Variants in RNF19A observed in about 807,000 individuals in gnomAD.
RNF19A encodes E3 ubiquitin-protein ligase RNF19A.
A neutral mutation model predicts 75.7 loss-of-function variants in RNF19A; 32 were observed. The ratio of observed to expected loss-of-function variants is 0.42; its 90% CI spans 0.32 to 0.57. The LOEUF (loss-of-function observed/expected upper bound fraction) is 0.57, where lower values mean the gene tolerates loss of function less well. Ranked by LOEUF, RNF19A falls within the 20% of genes least tolerant of loss-of-function variation. The pLI is 0.10. For missense variants in RNF19A, 782 were observed against 1,036.3 expected, an observed-to-expected ratio of 0.75 and a Z score of 3.37; for synonymous variants, 335 against 345.2, an observed-to-expected ratio of 0.97 and a Z score of 0.33.
Position 100,287,357 on chromosome 8 carries a change from T to C in RNF19A, c.674+144A>G, listed in dbSNP as rs1333968575. 12 of 671,034 alleles carry C rather than the reference T, an allele frequency of 1.8e-5. No individual in the cohort carries two copies. Among genetic ancestry groups the C allele is most frequent in the South Asian group, 3.9e-5 (2 of 50,634 alleles). The allele number at this position is 671,034 out of a possible 1,614,324, so 41.6% of individuals were successfully genotyped here. A position where few individuals can be genotyped will look rare whatever the true frequency, so the allele number is the denominator to read the frequency against. On this transcript the variant is annotated intron_variant, in intron 2 of 9. Coordinates refer to ENST00000341084, the MANE Select transcript of RNF19A (RefSeq NM_183419.4). This position sits in a 1 kb window ranked among gnomAD's most constrained non-coding sequence, Gnocchi z 4.1. ...GGATCACTGCCTTTAACACCTAGCATAGTGCCTGACATATGGTGTGCACTC... is the reference window on the plus strand; with the variant it reads ...GGATCACTGCCTTTAACACCTAGCACAGTGCCTGACATATGGTGTGCACTC...
rs1287097150 is a variant in RNF19A at position 100,333,191 on chromosome 8, A to G, written c.-243+2917T>C. Reference sequence around the variant, plus strand: ...TCCTGTCTTGCTCTTCCTCTTGTCCATGTGATGCTTTCTGCCATGTAATGA... The same window carrying G: ...TCCTGTCTTGCTCTTCCTCTTGTCCGTGTGATGCTTTCTGCCATGTAATGA... On this transcript the variant is annotated intron_variant, in intron 1 of 3. Coordinates refer to the RNF19A transcript ENST00000519527. This position sits in a 1 kb window ranked among gnomAD's most constrained non-coding sequence, Gnocchi z 4.7. 3.3e-5 allele frequency among the ~76,000 whole-genome samples: 5 copies of G among 152,162 alleles called. No homozygotes were observed. The highest frequency in any genetic ancestry group is 1.2e-4 in the African/African-American group (5 of 41,430).
chr8:100,335,571 T>A (rs1822668481), intron 1 of RNF19A, among the ~76,000 whole-genome samples: 1 of 152,256 alleles, frequency 6.6e-6, no homozygotes, highest in Non-Finnish European at 1.5e-5. Flanking sequence ...TGGAAATTAC[T>A]CCAAAGTCTA....
At chr8:100,294,489 TATCTG>T (rs753313333) in intron 1 of RNF19A, among the ~76,000 whole-genome samples, 4 of 152,186 alleles carry the variant, frequency 2.6e-5, no homozygotes, top group African/African-American at 4.8e-5. Flanking sequence ...GACATCTAGA[TATCTG>T]AAGGGAGTTT....
chr8:100,258,175 A>G lies in RNF19A; in HGVS notation c.*381T>C. Reference sequence around the variant, plus strand: ...TAGTGGTTTCAATAAAATATCACTAACCACTTATCCCTAAAGCCTCAAGTT... The same window carrying G: ...TAGTGGTTTCAATAAAATATCACTAGCCACTTATCCCTAAAGCCTCAAGTT... On this transcript the variant is annotated 3_prime_UTR_variant, in exon 10 of 10. Coordinates refer to ENST00000341084, the MANE Select transcript of RNF19A (RefSeq NM_183419.4). This position sits in a 1 kb window ranked among gnomAD's most constrained non-coding sequence, Gnocchi z 4.3. 2 of 407,304 alleles carry G rather than the reference A, an allele frequency of 4.9e-6. No homozygotes were observed. Among genetic ancestry groups the G allele is most frequent in the Middle Eastern group, 1.3e-3 (2 of 1,592 alleles). The allele number at this position is 407,304 out of a possible 1,614,324, so 25.2% of individuals were successfully genotyped here.
chr8:100,311,501 G>A (rs573258488), upstream of RNF19A, among the ~76,000 whole-genome samples: 10 of 152,070 alleles, frequency 6.6e-5, 1 homozygote, highest in East Asian at 1.9e-3. Context: ...GGCGGATCAC[G>A]AGGTCAGGAG....
intron 1 of RNF19A, among the ~76,000 whole-genome samples, chr8:100,299,228 CAA>C (rs1821710666): frequency 6.6e-6 from 1 of 152,066 alleles, no homozygotes; most frequent in Non-Finnish European, 1.5e-5. Context: ...CCCTTAGTTC[CAA>C]AAGACTATGA....
rs900808585 is a variant in RNF19A, at chr8:100,324,335, T to C, written c.-242-10963A>G. Among the ~76,000 whole-genome samples the C allele has an allele frequency of 6.6e-6, 1 of 152,212 alleles. No individual in the cohort carries two copies. The highest frequency in any genetic ancestry group is 1.5e-5 in the Non-Finnish European group (1 of 68,034). Reference sequence around the variant, plus strand: ...AAGTACAATCTGCAGCACAATCAAGTTCAAGAGTTTGGATGACTAAAGTTG... The same window carrying C: ...AAGTACAATCTGCAGCACAATCAAGCTCAAGAGTTTGGATGACTAAAGTTG... On this transcript the variant is annotated intron_variant, in intron 1 of 3. Transcript: ENST00000519527. The surrounding 1 kb of genome is among the most constrained non-coding windows in gnomAD (Gnocchi z 4.2).
At position 100,330,671 on chromosome 8, in the gene RNF19A, T is replaced by C. The variant is rs545637333; in HGVS notation, c.-243+5437A>G. ...ATGATATTGTTGAGTCTCTGGACTTTCCAGTTACCCAAGGCAATAAATTAC... is the reference window on the plus strand; with the variant it reads ...ATGATATTGTTGAGTCTCTGGACTTCCCAGTTACCCAAGGCAATAAATTAC... On this transcript the variant is annotated intron_variant, in intron 1 of 3. Coordinates refer to the RNF19A transcript ENST00000519527. This position sits in a 1 kb window ranked among gnomAD's most constrained non-coding sequence, Gnocchi z 4.1. Among the ~76,000 whole-genome samples, 4 of 152,338 alleles carry C rather than the reference T, an allele frequency of 2.6e-5. No homozygotes were observed. The highest frequency in any genetic ancestry group is 4.1e-4 in the South Asian group (2 of 4,828).
chr8:100,259,186 G>A lies in RNF19A; in HGVS notation c.1887C>T (p.His629=), dbSNP rs565415348. ...DIESKPSKFR[H]NSGSSSVDDG... ...CATCCACACTACTGCTTCCACTGTT[G>A]TGCCTGAATTTGGATGGCTTTGACT... Residue 629 remains histidine (H), a synonymous_variant, in exon 10 of 10, where the codon CAC becomes CAT. Coordinates refer to ENST00000341084, the MANE Select transcript of RNF19A (RefSeq NM_183419.4). This position sits in a 1 kb window ranked among gnomAD's most constrained non-coding sequence, Gnocchi z 4.5. The A allele has an allele frequency of 1.2e-6, 2 of 1,613,938 alleles. No homozygotes were observed. The highest frequency in any genetic ancestry group is 2.2e-5 in the East Asian group (1 of 44,880).
chr8:100,278,228 G>C (rs1196945004), intron 2 of RNF19A, among the ~76,000 whole-genome samples: 1 of 152,172 alleles, frequency 6.6e-6, no homozygotes, highest in Non-Finnish European at 1.5e-5. Flanking sequence ...TGGCTGCTTT[G>C]ATAACATTTC....
upstream of RNF19A, chr8:100,313,399 G>C: frequency 8.2e-6 from 6 of 728,092 alleles, no homozygotes; most frequent in Non-Finnish European, 1.0e-5. Flanking sequence ...AGGCAAACTA[G>C]TTAGGAGGTG....
rs532213760 is a variant in RNF19A at position 100,284,444 on chromosome 8, T to C, written c.674+3057A>G. On this transcript the variant is annotated intron_variant, in intron 2 of 9. Coordinates refer to ENST00000341084, the MANE Select transcript of RNF19A (RefSeq NM_183419.4). This position sits in a 1 kb window ranked among gnomAD's most constrained non-coding sequence, Gnocchi z 4.3. ...TAAAATAAAATACACAAAAGTAATC[T>C]CTGTGACTTTTTTTCCTCTGTCCTT... Among the ~76,000 whole-genome samples the C allele has an allele frequency of 6.6e-6, 1 of 152,246 alleles. No individual in the cohort carries two copies. The highest frequency in any genetic ancestry group is 1.5e-5 in the Non-Finnish European group (1 of 67,980).
In RNF19A at chr8:100,263,971, C is replaced by G. The variant is rs922351172; in HGVS notation, c.1468+63G>C. The G allele has an allele frequency of 1.1e-4, 155 of 1,390,080 alleles. No homozygotes were observed. In the African/African-American group the frequency reaches 2.1e-3, roughly 19 times the overall value. The allele number at this position is 1,390,080 out of a possible 1,614,324, so 86.1% of individuals were successfully genotyped here. A position where few individuals can be genotyped will look rare whatever the true frequency, so the allele number is the denominator to read the frequency against. Reference sequence around the variant, plus strand: ...GGAAATTCTGAGTTGCATGTTATCTCTGGCCTCCCCACTACTTACACTGTT... The same window carrying G: ...GGAAATTCTGAGTTGCATGTTATCTGTGGCCTCCCCACTACTTACACTGTT... On this transcript the variant is annotated intron_variant, in intron 7 of 9. Coordinates refer to ENST00000341084, the MANE Select transcript of RNF19A (RefSeq NM_183419.4).
At chr8:100,296,397 G>A (rs181018512) in intron 1 of RNF19A, among the ~76,000 whole-genome samples, 17 of 152,258 alleles carry the variant, frequency 1.1e-4, no homozygotes, top group Admixed American at 1.1e-3. Context: ...AAGCCACCAC[G>A]ACCAGCCTCC....
chr8:100,287,488 A>T lies in RNF19A; in HGVS notation c.674+13T>A. On this transcript the variant is annotated intron_variant, in intron 2 of 9. Transcript: ENST00000341084. The surrounding 1 kb of genome is among the most constrained non-coding windows in gnomAD (Gnocchi z 4.1). ...AAAATTAACTCAAGAAAAATCAAAC[A>T]TTATCTTCTTACCCACAGTCTGGAG... 6.4e-7 allele frequency: 1 copy of T among 1,556,218 alleles called. No individual in the cohort carries two copies. Among genetic ancestry groups the T allele is most frequent in the Non-Finnish European group, 8.7e-7 (1 of 1,152,802 alleles).
intron 1 of RNF19A, among the ~76,000 whole-genome samples, chr8:100,296,126 G>A (rs1001061768): frequency 2.0e-5 from 3 of 151,298 alleles, no homozygotes; most frequent in African/African-American, 7.3e-5. Context: ...TCTTTTTTGA[G>A]ACGGAGTCTC....
At chr8:100,307,438 A>AACG (rs1258498440) in intron 1 of RNF19A, among the ~76,000 whole-genome samples, 1 of 152,124 alleles carries the variant, frequency 6.6e-6, no homozygotes, top group African/African-American at 2.4e-5. Context: ...GTAGATTAAA[A>AACG]ACGACAACAA....
intron 2 of RNF19A, among the ~76,000 whole-genome samples, chr8:100,279,659 GA>G (rs1449383794): frequency 6.6e-6 from 1 of 152,124 alleles, no homozygotes; most frequent in Non-Finnish European, 1.5e-5. Context: ...TTCAAGCTCA[GA>G]TTACAGGGGC....
At chr8:100,290,060 T>C (rs1298881032) in intron 1 of RNF19A, among the ~76,000 whole-genome samples, 1 of 152,178 alleles carries the variant, frequency 6.6e-6, no homozygotes, top group Non-Finnish European at 1.5e-5. Context: ...AGAGAATTAA[T>C]GTACAATGTT....
Sources: gnomAD v4.1 joint callset for allele counts (sites outside exome capture counted in the v4.1 genomes callset) on GRCh38, gnomAD v4.1.1 for gene constraint, Gnocchi (gnomAD v3.1) non-coding constraint, MANE v1.5 for transcripts, NCBI Gene and HGNC (gene_info 2026-07-23, HGNC 2026-07-21) for gene names.